Variants in SEC24C observed in about 807,000 individuals in gnomAD.
SEC24C encodes the protein protein transport protein Sec24C.
A neutral mutation model predicts 117.0 loss-of-function variants in SEC24C; 22 were observed. That is an observed-to-expected ratio of 0.19 (90% confidence interval 0.13 to 0.27). SEC24C has a LOEUF of 0.27. Among genes scored for constraint, SEC24C ranks in the 10% least tolerant of loss-of-function variants. The pLI, the probability that SEC24C is intolerant of heterozygous loss-of-function variation, is 1.00. For synonymous variants in SEC24C, 506 were observed against 529.4 expected, an observed-to-expected ratio of 0.96 and a Z score of 0.61; for missense variants, 1,155 against 1,375.1, an observed-to-expected ratio of 0.84 and a Z score of 2.53.
intron 3 of SEC24C, among the ~76,000 whole-genome samples, chr10:73,756,839 T>G (rs2082716497): frequency 6.6e-6 from 1 of 151,396 alleles, no homozygotes; most frequent in South Asian, 2.1e-4. Context: ...CTCAAGTGAT[T>G]CACCTGTGTT....
chr10:73,766,571 G>A, intron 12 of SEC24C, 30 bp downstream of exon 12: 1 of 1,586,020 alleles, frequency 6.3e-7, no homozygotes, highest in Non-Finnish European at 8.6e-7. Flanking sequence ...GGTAAAGGTT[G>A]GGGGTGGCAT....
intron 6 of SEC24C, 149 bp from the exon 7 acceptor site, chr10:73,763,341 T>C: frequency 2.0e-6 from 1 of 500,210 alleles, no homozygotes; most frequent in Non-Finnish European, 3.6e-6. Flanking sequence ...TTATATGATC[T>C]CCAGAAGGAG....
chr10:73,759,957 T>C, intron 4 of SEC24C, 61 bp from the exon 5 acceptor site: 1 of 1,517,480 alleles, frequency 6.6e-7, no homozygotes, highest in Non-Finnish European at 8.8e-7. Flanking sequence ...AGGGAAGTGA[T>C]ATACCGAACA....
chr10:73,750,160 C>T (rs933262293), intron 2 of SEC24C, among the ~76,000 whole-genome samples: 3 of 152,124 alleles, frequency 2.0e-5, no homozygotes, highest in Non-Finnish European at 2.9e-5. Context: ...GTCAAGTGCT[C>T]GAGTTTGGCA....
At chr10:73,760,433 C>A in intron 5 of SEC24C, 47 bp downstream of exon 5, 1 of 1,512,228 alleles carries the variant, frequency 6.6e-7, no homozygotes, top group Non-Finnish European at 8.8e-7. Context: ...GCTTCAGCTA[C>A]TCAGGTGGTT....
In SEC24C at chr10:73,769,875, C is replaced by T; in HGVS notation, c.2722C>T (p.Leu908=). Residue 908 remains leucine, a synonymous_variant, in exon 20 of 23, where the codon CTG becomes TTG. Transcript: ENST00000345254. This position sits in a 1 kb window ranked among gnomAD's most constrained non-coding sequence, Gnocchi z 4.5. ...GTGCATGAAGCTACTCCCAGTTTACCTGAACTGTGTGTTGAAGAGTGATGT... is the reference window on the plus strand; with the variant it reads ...GTGCATGAAGCTACTCCCAGTTTACTTGAACTGTGTGTTGAAGAGTGATGT... ...PECMKLLPVY[L]NCVLKSDVLQ... The T allele has an allele frequency of 1.9e-6, 3 of 1,614,158 alleles. No homozygotes were observed. Among genetic ancestry groups the T allele is most frequent in the Non-Finnish European group, 1.7e-6 (2 of 1,180,022 alleles).
At chr10:73,764,025 G>A (rs1361291540) in intron 8 of SEC24C, 42 bp downstream of exon 8, 8 of 1,545,420 alleles carry the variant, frequency 5.2e-6, no homozygotes, top group Non-Finnish European at 6.1e-6. Context: ...AAGGGAGGGA[G>A]GTAGAGAGGG....
intron 14 of SEC24C, 23 bp from the exon 15 acceptor site, chr10:73,767,814 C>A: frequency 1.3e-6 from 2 of 1,565,570 alleles, no homozygotes; most frequent in Non-Finnish European, 1.7e-6. Flanking sequence ...ACATTTTCTT[C>A]TCCCCATTTT....
At position 73,769,681 on chromosome 10, in the gene SEC24C, A is replaced by G. The variant is rs1200095818; in HGVS notation, c.2630A>G (p.Gln877Arg). The change falls in exon 19 of 23, where the codon CAG (glutamine) becomes CGG (arginine). Residue 877 changes from glutamine (Q) to arginine (R), a missense_variant. This residue lies in a region of SEC24C where 759 missense variants were observed against 992.3 expected (regional missense o/e 0.76). Coordinates refer to ENST00000345254, the MANE Select transcript of SEC24C (RefSeq NM_198597.3). This position sits in a 1 kb window ranked among gnomAD's most constrained non-coding sequence, Gnocchi z 4.5. ...VRDTLITQCAQILACYRKNCA... is the reference protein window; with the variant it reads ...VRDTLITQCARILACYRKNCA... ...GACACGCTCATCACCCAGTGTGCCC[A>G]GATCCTGGCCTGTTACAGAAAGAAC... 1 of 1,614,234 alleles carries G rather than the reference A, an allele frequency of 6.2e-7. No individual in the cohort carries two copies. Among genetic ancestry groups the G allele is most frequent in the African/African-American group, 1.3e-5 (1 of 75,066 alleles).
In SEC24C at chr10:73,769,743, G is replaced by C; in HGVS notation, c.2682+10G>C. 1.2e-6 allele frequency: 2 copies of C among 1,613,720 alleles called. No homozygotes were observed. Among genetic ancestry groups the C allele is most frequent in the Non-Finnish European group, 1.7e-6 (2 of 1,179,586 alleles). On this transcript the variant is annotated intron_variant, in intron 19 of 22. Transcript: ENST00000345254. The surrounding 1 kb of genome is among the most constrained non-coding windows in gnomAD (Gnocchi z 4.5). ...CTCCTCTGCAGGACAGGTGGGGCAAGTATATTAGTGGGAGGTGGGGTTGTT... is the reference window on the plus strand; with the variant it reads ...CTCCTCTGCAGGACAGGTGGGGCAACTATATTAGTGGGAGGTGGGGTTGTT...
chr10:73,748,130 ATTAT>A (rs1172725874), intron 2 of SEC24C, among the ~76,000 whole-genome samples: 4 of 150,366 alleles, frequency 2.7e-5, no homozygotes, highest in African/African-American at 4.9e-5. Flanking sequence ...TACTTATTTT[ATTAT>A]TTATTTATTT....
In SEC24C at chr10:73,769,185, TGTTTCATTCGCTTG is replaced by T; in HGVS notation, c.2424+36_2424+49del. On this transcript the variant is annotated intron_variant, in intron 17 of 22. Coordinates refer to ENST00000345254, the MANE Select transcript of SEC24C (RefSeq NM_198597.3). This position sits in a 1 kb window ranked among gnomAD's most constrained non-coding sequence, Gnocchi z 4.5. ...GCGGGAGGCGGGGCTGGGCAGGAAG[TGTTTCATTCGCTTG>T]GTATAGAAGAGGGTGAGGAATGGGT... 1 of 1,611,016 alleles carries T rather than the reference TGTTTCATTCGCTTG, an allele frequency of 6.2e-7. No homozygotes were observed. The highest frequency in any genetic ancestry group is 8.5e-7 in the Non-Finnish European group (1 of 1,178,614).
intron 2 of SEC24C, among the ~76,000 whole-genome samples, chr10:73,749,410 T>A (rs1209115788): frequency 6.6e-6 from 1 of 152,224 alleles, no homozygotes; most frequent in Non-Finnish European, 1.5e-5. Context: ...TCTTCTGATA[T>A]CCATCCTTTT....
chr10:73,763,699 T>TTTTA, intron 7 of SEC24C, 98 bp downstream of exon 7: 2 of 635,634 alleles, frequency 3.1e-6, no homozygotes, highest in South Asian at 3.0e-5. Flanking sequence ...TTTTTTTTTT[T>TTTTA]AGTTTTTAAC....
intron 10 of SEC24C, 22 bp from the exon 11 acceptor site, chr10:73,766,064 C>T (rs1169486124): frequency 6.2e-7 from 1 of 1,609,440 alleles, no homozygotes; most frequent in East Asian, 2.2e-5. Context: ...CCCCCTCTCC[C>T]CAACATTTTC....
Position 73,770,960 on chromosome 10 carries a change from C to A in SEC24C, c.3150C>A (p.Thr1050=). ...ACCCTGAATTCTGGCCGTAGCTTAC[C>A]GTGGTGAAACAGGAAGACAAGATGG... The part of the protein sequence containing the change: ...RAQRSRYMKL[T]VVKQEDKMEM... The change falls in exon 23 of 23, where the codon ACC becomes ACA. Residue 1050 remains threonine, a synonymous_variant. Coordinates refer to ENST00000345254, the MANE Select transcript of SEC24C (RefSeq NM_198597.3). 6.2e-7 allele frequency: 1 copy of A among 1,614,100 alleles called. No homozygotes were observed. The highest frequency in any genetic ancestry group is 8.5e-7 in the Non-Finnish European group (1 of 1,180,020).
intron 8 of SEC24C, among the ~76,000 whole-genome samples, chr10:73,764,188 T>C (rs1391517537): frequency 6.6e-6 from 1 of 152,030 alleles, no homozygotes; most frequent in Non-Finnish European, 1.5e-5. Flanking sequence ...AAGACATTGC[T>C]GAGAAGGAAC....
intron 6 of SEC24C, among the ~76,000 whole-genome samples, chr10:73,762,544 C>T (rs2082813962): frequency 6.6e-6 from 1 of 152,090 alleles, no homozygotes; most frequent in Admixed American, 6.5e-5. Context: ...TTGTCTGTAG[C>T]CTGTTGTGGA....
chr10:73,754,679 G>A (rs199736737), intron 3 of SEC24C, among the ~76,000 whole-genome samples: 1 of 152,186 alleles, frequency 6.6e-6, no homozygotes, highest in South Asian at 2.1e-4. Context: ...ACTGATGCTA[G>A]GACTGGAGAT....
Sources: allele counts gnomAD v4.1 joint callset (sites outside exome capture counted in the v4.1 genomes callset), GRCh38; gene constraint gnomAD v4.1.1; regional missense constraint gnomAD v4.1.1; non-coding constraint Gnocchi (gnomAD v3.1); transcripts MANE v1.5; gene names NCBI Gene and HGNC (gene_info 2026-07-23, HGNC 2026-07-21).